Variants in SMYD3 observed in about 807,000 individuals in gnomAD.
SMYD3 encodes histone-lysine N-methyltransferase SMYD3.
In SMYD3, 36 loss-of-function variants were observed where a neutral mutation model predicts 57.7. The observed-to-expected ratio is 0.62, with a 90% CI of 0.48 to 0.82. The LOEUF is 0.82. Among genes scored for constraint, SMYD3 ranks in the 40% least tolerant of loss-of-function variants. SMYD3 has a pLI of 0.00. For missense variants in SMYD3, 515 were observed against 538.8 expected, an observed-to-expected ratio of 0.96 and a Z score of 0.44; for synonymous variants, 211 against 195.0, an observed-to-expected ratio of 1.08 and a Z score of -0.68.
chr1:246,360,686 C>T lies in SMYD3; in HGVS notation c.165-5592G>A, dbSNP rs542807840. Among the ~76,000 whole-genome samples, 73 of 152,208 alleles carry T rather than the reference C, an allele frequency of 4.8e-4. 1 individual carries two copies. Among genetic ancestry groups the T allele is most frequent in the Admixed American group, 3.3e-3 (51 of 15,294 alleles). On this transcript the variant is annotated intron_variant, in intron 1 of 11. Coordinates refer to ENST00000490107, the MANE Select transcript of SMYD3 (RefSeq NM_001167740.2). The stretch of plus-strand genomic sequence containing the variant: ...TGATCTTCAACAAAGCAAACAAAAA[C>T]ATAAAGTAGGGAAAGGACACCCTAT...
chr1:246,098,725 A>C (rs2060958103), intron 5 of SMYD3, among the ~76,000 whole-genome samples: 2 of 152,200 alleles, frequency 1.3e-5, no homozygotes, highest in Admixed American at 1.3e-4. Context: ...TCCTATTAAA[A>C]TGGTATTTAG....
chr1:245,978,288 G>A (rs756898582), intron 5 of SMYD3, among the ~76,000 whole-genome samples: 10 of 152,086 alleles, frequency 6.6e-5, no homozygotes, highest in African/African-American at 1.7e-4. Flanking sequence ...ATCCATCTTC[G>A]TGCCTCTCAT....
intron 11 of SMYD3, among the ~76,000 whole-genome samples, chr1:245,757,032 G>C (rs4654189): frequency 0.067 from 10,121 of 152,062 alleles, 479 homozygotes; most frequent in East Asian, 0.18. Flanking sequence ...CTCTTGAGTA[G>C]CATTAAGTAC....
At position 246,036,549 on chromosome 1, in the gene SMYD3, T is replaced by TTTG. The variant is rs1553273692; in HGVS notation, c.532-106613_532-106612insCAA. Reference sequence around the variant, plus strand: ...TACTCTTCTTTCTCTCTTTTTTTTTTTTTTGTTTTGTTTTGTTTTTTTGAG... The same window carrying TTTG: ...TACTCTTCTTTCTCTCTTTTTTTTTTTTGTTTTGTTTTGTTTTGTTTTTTTGAG... On this transcript the variant is annotated intron_variant, in intron 5 of 11. Coordinates refer to ENST00000490107, the MANE Select transcript of SMYD3 (RefSeq NM_001167740.2). 2.6e-5 allele frequency among the ~76,000 whole-genome samples: 3 copies of TTTG among 115,280 alleles called. 1 individual carries two copies. The highest frequency in any genetic ancestry group is 7.5e-5 in the African/African-American group (2 of 26,778). 75.6% of individuals were successfully genotyped at this position (115,280 alleles called of 152,430 possible).
At chr1:246,436,901 T>C (rs1256245755) in intron 1 of SMYD3, among the ~76,000 whole-genome samples, 2 of 36,642 alleles carry the variant, frequency 5.5e-5, no homozygotes, top group Non-Finnish European at 1.0e-4. Flanking sequence ...AGTTTCTTTC[T>C]TTTTTTTTTT....
At chr1:246,093,635 C>G (rs112878051) in intron 5 of SMYD3, among the ~76,000 whole-genome samples, 2,094 of 152,106 alleles carry the variant, frequency 0.014, 49 homozygotes, top group African/African-American at 0.048. Flanking sequence ...AGAGAGCTTA[C>G]TTAATGGGTA....
chr1:246,041,464 A>G (rs2059870760), intron 5 of SMYD3, among the ~76,000 whole-genome samples: 1 of 152,194 alleles, frequency 6.6e-6, no homozygotes. Context: ...AGTTTCTAAT[A>G]GTAAGTTTCT....
chr1:246,457,586 G>GA (rs2067723670), intron 1 of SMYD3, among the ~76,000 whole-genome samples: 3 of 142,438 alleles, frequency 2.1e-5, no homozygotes, highest in East Asian at 2.1e-4. Flanking sequence ...AAAAGAAAAA[G>GA]AAAAGAAGGT....
intron 5 of SMYD3, among the ~76,000 whole-genome samples, chr1:246,002,124 T>G (rs2148153002): frequency 6.6e-6 from 1 of 152,244 alleles, no homozygotes; most frequent in East Asian, 1.9e-4. Flanking sequence ...ATAAGTCCAC[T>G]GAGAAGCGCA....
intron 5 of SMYD3, among the ~76,000 whole-genome samples, chr1:245,969,735 C>G (rs2058248438): frequency 6.6e-6 from 1 of 152,180 alleles, no homozygotes; most frequent in Non-Finnish European, 1.5e-5. Flanking sequence ...GAAATTCAAA[C>G]TACATTAGGA....
chr1:245,753,130 AC>A (rs1477908681), intron 11 of SMYD3, among the ~76,000 whole-genome samples: 1 of 152,102 alleles, frequency 6.6e-6, no homozygotes, highest in Non-Finnish European at 1.5e-5. Flanking sequence ...AACAGGGGCA[AC>A]CCTCAGGAAT....
At chr1:245,880,459 T>C (rs1249827136) in intron 8 of SMYD3, among the ~76,000 whole-genome samples, 1 of 152,218 alleles carries the variant, frequency 6.6e-6, no homozygotes. Flanking sequence ...CCTTATTTTA[T>C]AGATATAGGT....
chr1:246,416,255 G>A (rs1350219761), intron 1 of SMYD3, among the ~76,000 whole-genome samples: 2 of 152,110 alleles, frequency 1.3e-5, no homozygotes, highest in African/African-American at 4.8e-5. Context: ...TCTTACCCAT[G>A]CGGTGTCACT....
intron 8 of SMYD3, among the ~76,000 whole-genome samples, chr1:245,902,307 G>A (rs1270648636): frequency 6.6e-6 from 1 of 152,222 alleles, no homozygotes; most frequent in East Asian, 1.9e-4. Context: ...GGAGCTGCCT[G>A]CCTGGGGCCA....
At chr1:246,084,196 T>G (rs1485677836) in intron 5 of SMYD3, among the ~76,000 whole-genome samples, 2 of 109,022 alleles carry the variant, frequency 1.8e-5, no homozygotes, top group Admixed American at 8.1e-5. Flanking sequence ...TGACAATTCC[T>G]TTTTTTTTTT....
chr1:245,845,437 A>C (rs2050615913), intron 10 of SMYD3, among the ~76,000 whole-genome samples: 1 of 152,184 alleles, frequency 6.6e-6, no homozygotes, highest in Non-Finnish European at 1.5e-5. Flanking sequence ...TATATTACTT[A>C]ATGCCTGTAG....
intron 8 of SMYD3, among the ~76,000 whole-genome samples, chr1:245,879,464 T>C (rs1038471678): frequency 1.3e-5 from 2 of 152,040 alleles, no homozygotes; most frequent in African/African-American, 4.8e-5. Context: ...GTAACCGAGG[T>C]GATGAGAAAC....
At chr1:245,924,655 CT>C (rs150323644) in intron 7 of SMYD3, among the ~76,000 whole-genome samples, 35 of 94,684 alleles carry the variant, frequency 3.7e-4, no homozygotes, top group African/African-American at 1.0e-3. Context: ...TCTATTCCAG[CT>C]TTTTTTTTTT....
At chr1:245,936,325 A>G (rs1487136095) in intron 5 of SMYD3, among the ~76,000 whole-genome samples, 1 of 151,954 alleles carries the variant, frequency 6.6e-6, no homozygotes, top group Non-Finnish European at 1.5e-5. Context: ...TATTTGAAAA[A>G]ATGTTAGGAG....
Sources: gnomAD v4.1 joint callset for allele counts (sites outside exome capture counted in the v4.1 genomes callset) on GRCh38, gnomAD v4.1.1 for gene constraint, MANE v1.5 for transcripts, NCBI Gene and HGNC (gene_info 2026-07-23, HGNC 2026-07-21) for gene names.